The following AGK variants were observed in gnomAD, a reference collection of about 807,000 sequenced individuals.
AGK encodes acylglycerol kinase, mitochondrial.
A neutral mutation model predicts 66.4 loss-of-function variants in AGK; 52 were observed. The observed-to-expected ratio is 0.78, with a 90% CI of 0.63 to 0.99. The LOEUF is 0.99. AGK is among the 50% of genes least tolerant of loss of function. The pLI is 0.00. For missense variants in AGK, 451 were observed against 506.6 expected, an observed-to-expected ratio of 0.89 and a Z score of 1.05; for synonymous variants, 182 against 181.1, an observed-to-expected ratio of 1.00 and a Z score of -0.04.
At chr7:141,589,629 C>T (rs918939373) in intron 2 of AGK, among the ~76,000 whole-genome samples, 12 of 151,512 alleles carry the variant, frequency 7.9e-5, no homozygotes, top group South Asian at 2.1e-4. Context: ...GACGCGTTCT[C>T]GGCTCATTGC....
intron 8 of AGK, chr7:141,615,969 C>G (rs1447507162): frequency 6.2e-6 from 1 of 160,718 alleles, no homozygotes; most frequent in Non-Finnish European, 1.4e-5. Context: ...GCTTCATTAT[C>G]TTGATATTAA....
rs188662644 is a variant in AGK at position 141,568,730 on chromosome 7, T to C, written c.101+13163T>C. On this transcript the variant is annotated intron_variant, in intron 2 of 15. Coordinates refer to ENST00000649286, the MANE Select transcript of AGK (RefSeq NM_018238.4). The stretch of plus-strand genomic sequence containing the variant: ...GGGACTACATGTGTGTGCCACCATG[T>C]CCGGCTAATTTTTTTTTGTATTTTT... Among the ~76,000 whole-genome samples, 354 of 152,114 alleles carry C rather than the reference T, an allele frequency of 2.3e-3. 1 individual carries two copies. In the Middle Eastern group the frequency reaches 0.024, roughly 10 times the overall value.
At chr7:141,632,843 CT>C (rs1340641146) in intron 9 of AGK, among the ~76,000 whole-genome samples, 2 of 152,186 alleles carry the variant, frequency 1.3e-5, no homozygotes, top group African/African-American at 4.8e-5. Context: ...GCATCCTTTC[CT>C]TGCAGGCTTC....
rs747244579 is a variant in AGK at position 141,621,775 on chromosome 7, G to C, written c.562G>C (p.Val188Leu). 6.2e-7 allele frequency: 1 copy of C among 1,613,314 alleles called. No homozygotes were observed. The highest frequency in any genetic ancestry group is 1.3e-5 in the African/African-American group (1 of 74,860). Residue 188 changes from valine to leucine, a missense_variant, in exon 9 of 16, where the codon GTT (valine) becomes CTT (leucine). Coordinates refer to ENST00000649286, the MANE Select transcript of AGK (RefSeq NM_018238.4). ...ACTTGCCATTGTGAAAGGAGAGACA[G>C]TTCCACTTGATGTCTTGCAGATCAA... ...ATLAIVKGET[V>L]PLDVLQIKGE...
Position 141,579,621 on chromosome 7 carries a change from G to A in AGK, c.102-13525G>A, listed in dbSNP as rs560632117. ...CCGAGCTTGATGAGTAGGGAAGGGAGGGGGCCTGAACAATCCCTGAGGAGT... is the reference window on the plus strand; with the variant it reads ...CCGAGCTTGATGAGTAGGGAAGGGAAGGGGCCTGAACAATCCCTGAGGAGT... On this transcript the variant is annotated intron_variant, in intron 2 of 15. Transcript: ENST00000649286. Among the ~76,000 whole-genome samples, 9 of 152,018 alleles carry A rather than the reference G, an allele frequency of 5.9e-5. No homozygotes were observed. The East Asian group carries it at 1.7e-3, about 29-fold the overall frequency.
At chr7:141,590,328 G>T (rs1796084781) in intron 2 of AGK, among the ~76,000 whole-genome samples, 1 of 152,304 alleles carries the variant, frequency 6.6e-6, no homozygotes, top group Non-Finnish European at 1.5e-5. Flanking sequence ...ATATAGAGAT[G>T]GGATTGTAGC....
At chr7:141,637,289 C>A (rs776195753) in intron 11 of AGK, among the ~76,000 whole-genome samples, 2 of 152,172 alleles carry the variant, frequency 1.3e-5, no homozygotes, top group Non-Finnish European at 2.9e-5. Flanking sequence ...AATTCACTCT[C>A]TTGCCCGACA....
At chr7:141,624,596 T>C (rs993230998) in intron 9 of AGK, among the ~76,000 whole-genome samples, 10 of 152,112 alleles carry the variant, frequency 6.6e-5, no homozygotes, top group Non-Finnish European at 1.5e-4. Context: ...GTAGTAGAAA[T>C]AACAAGAGAA....
intron 2 of AGK, among the ~76,000 whole-genome samples, chr7:141,575,270 C>T (rs10273359): frequency 2.0e-5 from 3 of 152,178 alleles, no homozygotes; most frequent in Non-Finnish European, 4.4e-5. Flanking sequence ...GACTTCAGTT[C>T]TAGGCCTAAG....
chr7:141,628,766 A>G (rs900831755), intron 9 of AGK, among the ~76,000 whole-genome samples: 72 of 152,140 alleles, frequency 4.7e-4, no homozygotes, highest in African/African-American at 1.4e-3. Flanking sequence ...TTTCTTTCTC[A>G]TAGTCTGTTG....
chr7:141,585,311 T>C (rs1795973776), intron 2 of AGK, among the ~76,000 whole-genome samples: 3 of 152,148 alleles, frequency 2.0e-5, no homozygotes, highest in Admixed American at 2.0e-4. Context: ...GGGAGGGCTA[T>C]GCAATATATA....
intron 2 of AGK, among the ~76,000 whole-genome samples, chr7:141,572,898 A>G (rs937078079): frequency 6.6e-6 from 1 of 152,170 alleles, no homozygotes; most frequent in Non-Finnish European, 1.5e-5. Flanking sequence ...TTATGGTTTC[A>G]ATAATGGTTT....
At chr7:141,562,025 C>A in intron 2 of AGK, 2 of 456,172 alleles carry the variant, frequency 4.4e-6, no homozygotes, top group Non-Finnish European at 8.8e-6. Context: ...ATATTCAGGT[C>A]TCTCAGCCAT....
chr7:141,583,390 GGAGAGA>G (rs1795923220), intron 2 of AGK, among the ~76,000 whole-genome samples: 1 of 148,150 alleles, frequency 6.7e-6, no homozygotes, highest in Non-Finnish European at 1.5e-5. Context: ...AAAGTGGAGA[GGAGAGA>G]GAGGGTAGAG....
intron 15 of AGK, among the ~76,000 whole-genome samples, chr7:141,652,209 G>A (rs1037471552): frequency 1.3e-5 from 2 of 152,166 alleles, no homozygotes; most frequent in Non-Finnish European, 2.9e-5. Context: ...TAAACAGAAG[G>A]TATCCCCATA....
chr7:141,592,889 AGAG>A (rs1796152960), intron 2 of AGK, among the ~76,000 whole-genome samples: 1 of 151,864 alleles, frequency 6.6e-6, no homozygotes, highest in Admixed American at 6.6e-5. Flanking sequence ...TTTTTGGTAG[AGAG>A]GAGGTTTCAC....
chr7:141,584,685 T>A (rs1795958371), intron 2 of AGK, among the ~76,000 whole-genome samples: 1 of 152,222 alleles, frequency 6.6e-6, no homozygotes, highest in Admixed American at 6.5e-5. Context: ...TTTTTACTAG[T>A]GTAGGAGGCA....
intron 11 of AGK, 65 bp downstream of exon 11, chr7:141,637,082 T>G: frequency 7.3e-7 from 1 of 1,362,680 alleles, no homozygotes; most frequent in Non-Finnish European, 1.0e-6. Context: ...AATGCATATA[T>G]TTGGTATTTT....
At chr7:141,591,906 C>T (rs374441889) in intron 2 of AGK, among the ~76,000 whole-genome samples, 2 of 152,102 alleles carry the variant, frequency 1.3e-5, no homozygotes, top group Admixed American at 6.5e-5. Flanking sequence ...GAGACCTTGA[C>T]GTTAAATAGG....
Sources: gnomAD v4.1 joint callset for allele counts (sites outside exome capture counted in the v4.1 genomes callset) on GRCh38, gnomAD v4.1.1 for gene constraint, MANE v1.5 for transcripts, NCBI Gene and HGNC (gene_info 2026-07-23, HGNC 2026-07-21) for gene names.